The following CTNNA3 variants were observed in gnomAD, a reference collection of about 807,000 sequenced individuals.
The protein encoded by CTNNA3 is catenin alpha 3.
CTNNA3 carries 76 observed loss-of-function variants against 95.7 expected under a neutral mutation model. The observed-to-expected ratio is 0.79, with a 90% CI of 0.66 to 0.96. The LOEUF (loss-of-function observed/expected upper bound fraction) is 0.96. Among genes scored for constraint, CTNNA3 ranks in the 40% least tolerant of loss-of-function variants. The pLI, the probability that CTNNA3 is intolerant of heterozygous loss-of-function variation, is 0.00. For missense variants in CTNNA3, 1,191 were observed against 1,089.8 expected (o/e 1.09, Z -1.31); for synonymous variants, 431 against 374.4 (o/e 1.15, Z -1.74).
Position 67,269,951 on chromosome 10 carries a change from A to C in CTNNA3, c.580-50081T>G, listed in dbSNP as rs970363788. 1.7e-4 allele frequency among the ~76,000 whole-genome samples: 26 copies of C among 152,118 alleles called. 1 individual carries two copies. The highest frequency in any genetic ancestry group is 1.5e-5 in the Non-Finnish European group (1 of 67,982). On this transcript the variant is annotated intron_variant, in intron 5 of 17. Transcript: ENST00000433211. ...GGACAACAACTCAGAAGGGAAAAAA[A>C]TATCTTATGCCTTTGAGGTCTGTAC...
Position 67,024,910 on chromosome 10 carries a change from C to G in CTNNA3, c.1047+155407G>C, listed in dbSNP as rs146968305. On this transcript the variant is annotated intron_variant, in intron 7 of 17. Transcript: ENST00000433211. ...CTTTAGGGGGCCAAGGCGGGCGGAT[C>G]ACCTGAGGTCCGGAGTTTGAGACCA... is the stretch of plus-strand genomic sequence containing the variant. Among the ~76,000 whole-genome samples, 139 of 152,054 alleles carry G rather than the reference C, an allele frequency of 9.1e-4. 3 individuals are homozygous for G. Among genetic ancestry groups the G allele is most frequent in the African/African-American group, 3.2e-3 (134 of 41,500 alleles).
chr10:65,987,111 G>A (rs1413734390), intron 16 of CTNNA3, among the ~76,000 whole-genome samples: 1 of 151,398 alleles, frequency 6.6e-6, no homozygotes, highest in Admixed American at 6.6e-5. Flanking sequence ...AAGAAAACAC[G>A]GGGCTTCAGG....
intron 11 of CTNNA3, among the ~76,000 whole-genome samples, chr10:66,451,656 T>C (rs1257206404): frequency 2.0e-5 from 3 of 152,272 alleles, no homozygotes; most frequent in Admixed American, 6.5e-5. Flanking sequence ...TTTTAAGTAT[T>C]TCAAGACTTT....
chr10:66,128,971 A>G (rs2082959004), intron 13 of CTNNA3, among the ~76,000 whole-genome samples: 1 of 151,402 alleles, frequency 6.6e-6, no homozygotes, highest in Admixed American at 6.6e-5. Context: ...ACAAAAAACA[A>G]AAAAAAAACT....
chr10:66,864,947 T>C (rs888197381), intron 7 of CTNNA3, among the ~76,000 whole-genome samples: 1 of 152,122 alleles, frequency 6.6e-6, no homozygotes, highest in Admixed American at 6.6e-5. Flanking sequence ...AGATATTTTA[T>C]AGGATAATGA....
At chr10:66,079,149 A>G (rs1462791111) in intron 14 of CTNNA3, 1 of 152,014 alleles carries the variant, frequency 6.6e-6, no homozygotes, top group Non-Finnish European at 1.5e-5. Flanking sequence ...GCATAGTACA[A>G]TTATATTTGG....
intron 17 of CTNNA3, among the ~76,000 whole-genome samples, chr10:65,923,257 A>G (rs2077117615): frequency 1.3e-5 from 2 of 152,224 alleles, no homozygotes; most frequent in Non-Finnish European, 2.9e-5. Flanking sequence ...AAAAGACTTA[A>G]GGATATTTGT....
chr10:66,310,289 T>C (rs952984964), intron 12 of CTNNA3, among the ~76,000 whole-genome samples: 8 of 152,180 alleles, frequency 5.3e-5, no homozygotes, highest in Non-Finnish European at 1.2e-4. Flanking sequence ...GATTTTGACA[T>C]AGAGATATTC....
chr10:66,720,777 G>A (rs1848603480), intron 9 of CTNNA3, among the ~76,000 whole-genome samples: 1 of 152,112 alleles, frequency 6.6e-6, no homozygotes, highest in Admixed American at 6.5e-5. Context: ...AGGTTGCAGT[G>A]AGCCGAGATC....
intron 5 of CTNNA3, among the ~76,000 whole-genome samples, chr10:67,281,939 A>T (rs908250545): frequency 6.6e-6 from 1 of 152,276 alleles, no homozygotes; most frequent in Middle Eastern, 3.4e-3. Flanking sequence ...TCAAATAAAT[A>T]TTGACTACTC....
chr10:67,461,591 A>G (rs1478823274), intron 5 of CTNNA3, among the ~76,000 whole-genome samples: 1 of 152,218 alleles, frequency 6.6e-6, no homozygotes, highest in East Asian at 1.9e-4. Context: ...GGAAGCAAAA[A>G]GGTTGTATAA....
At position 66,437,240 on chromosome 10, in the gene CTNNA3, G is replaced by T. The variant is rs569678886; in HGVS notation, c.1532-57888C>A. ...CTAAATTTGAATGTTGGCCTGCCTT[G>T]CTAGGTTGGGGAAGTTCTCCTGGAT... On this transcript the variant is annotated intron_variant, in intron 11 of 17. Coordinates refer to ENST00000433211, the MANE Select transcript of CTNNA3 (RefSeq NM_013266.4). Among the ~76,000 whole-genome samples the T allele has an allele frequency of 1.2e-3, 178 of 152,180 alleles. 2 individuals carry two copies. The highest frequency in any genetic ancestry group is 4.1e-3 in the African/African-American group (169 of 41,526).
intron 1 of CTNNA3, among the ~76,000 whole-genome samples, chr10:67,686,679 C>T (rs1840738128): frequency 6.6e-6 from 1 of 152,154 alleles, no homozygotes; most frequent in Admixed American, 6.6e-5. Context: ...CCACAACTAC[C>T]TGTAAACAGT....
chr10:66,312,239 T>A (rs1002219185), intron 12 of CTNNA3, among the ~76,000 whole-genome samples: 8 of 152,104 alleles, frequency 5.3e-5, no homozygotes, highest in African/African-American at 1.9e-4. Context: ...CTTACCCACC[T>A]CCCAGTGCCA....
chr10:66,029,326 T>C (rs377319660), intron 15 of CTNNA3, among the ~76,000 whole-genome samples: 2 of 152,148 alleles, frequency 1.3e-5, no homozygotes, highest in Admixed American at 1.3e-4. Context: ...TCACTGGATC[T>C]GTCCCCACCC....
chr10:67,482,817 G>T (rs1458947894), intron 5 of CTNNA3, among the ~76,000 whole-genome samples: 8 of 152,132 alleles, frequency 5.3e-5, no homozygotes, highest in Non-Finnish European at 8.8e-5. Flanking sequence ...GGGCATCCCT[G>T]TCTTGTGCCA....
At chr10:67,020,215 T>C (rs1852917910) in intron 7 of CTNNA3, among the ~76,000 whole-genome samples, 1 of 152,190 alleles carries the variant, frequency 6.6e-6, no homozygotes, top group Non-Finnish European at 1.5e-5. Context: ...AGCCAATCTT[T>C]AAAATATCAT....
intron 7 of CTNNA3, among the ~76,000 whole-genome samples, chr10:66,838,967 C>G (rs745486907): frequency 6.6e-6 from 1 of 152,106 alleles, no homozygotes; most frequent in African/African-American, 2.4e-5. Flanking sequence ...ATTCTCCCTT[C>G]TGTTTCTCTT....
intron 5 of CTNNA3, among the ~76,000 whole-genome samples, chr10:67,227,395 G>GGGTA (rs1431141423): frequency 1.3e-5 from 2 of 151,952 alleles, no homozygotes; most frequent in Non-Finnish European, 2.9e-5. Flanking sequence ...CTGGCCAAAG[G>GGGTA]GGTAGCTATT....
Sources: gnomAD v4.1 joint callset for allele counts (sites outside exome capture counted in the v4.1 genomes callset) on GRCh38, gnomAD v4.1.1 for gene constraint, MANE v1.5 for transcripts, NCBI Gene and HGNC (gene_info 2026-07-23, HGNC 2026-07-21) for gene names.